GULP1: variants seen among roughly 807,000 people sequenced by gnomAD.
GULP1 encodes the protein PTB domain-containing engulfment adapter protein 1.
A neutral mutation model predicts 40.9 loss-of-function variants in GULP1; 19 were observed. The ratio of observed to expected loss-of-function variants is 0.46; its 90% CI spans 0.32 to 0.68. The LOEUF is 0.68. Ranked by LOEUF, GULP1 falls within the 30% of genes least tolerant of loss-of-function variation. The probability of loss-of-function intolerance (pLI) is 0.03; values close to 1 mark genes in which losing one functional copy is unlikely to be tolerated. For missense variants in GULP1, 312 were observed against 362.2 expected (o/e 0.86, Z 1.12); for synonymous variants, 119 against 117.6 (o/e 1.01, Z -0.08).
rs535139510 is a variant in GULP1 at position 188,450,210 on chromosome 2, A to G, written c.-44-27449A>G. Among the ~76,000 whole-genome samples, 3 of 152,326 alleles carry G rather than the reference A, an allele frequency of 2.0e-5. No homozygotes were observed. In the East Asian group the frequency reaches 5.8e-4, roughly 29 times the overall value. ...GTGCCAGGTCATTTAGGCTTTACAG[A>G]ACATGATGAAAATAATTATTTTACT... On this transcript the variant is annotated intron_variant, in intron 2 of 11. Transcript: ENST00000409830.
chr2:188,515,699 A>G, intron 4 of GULP1, among the ~76,000 whole-genome samples: 1 of 141,296 alleles, frequency 7.1e-6, no homozygotes, highest in South Asian at 2.1e-4. Context: ...ACACACTTAC[A>G]CACACAGACA....
intron 1 of GULP1, among the ~76,000 whole-genome samples, chr2:188,303,065 T>C (rs567073873): frequency 6.6e-6 from 1 of 152,288 alleles, no homozygotes; most frequent in African/African-American, 2.4e-5. Context: ...ATGTCATGAA[T>C]CATTTTTTTC....
chr2:188,550,359 T>A (rs1693139363), intron 7 of GULP1, among the ~76,000 whole-genome samples: 1 of 151,722 alleles, frequency 6.6e-6, no homozygotes, highest in South Asian at 2.1e-4. Context: ...TATTGTGATA[T>A]GGTTGATTTT....
At chr2:188,570,807 C>A (rs191497824) in intron 9 of GULP1, among the ~76,000 whole-genome samples, 153 of 152,200 alleles carry the variant, frequency 1.0e-3, no homozygotes, top group Non-Finnish European at 1.7e-3. Context: ...CTGTTTGAAT[C>A]ATCTGTACTA....
intron 7 of GULP1, among the ~76,000 whole-genome samples, chr2:188,545,276 T>A (rs1389918823): frequency 6.6e-6 from 1 of 151,586 alleles, no homozygotes; most frequent in Non-Finnish European, 1.5e-5. Flanking sequence ...AAATGGGAAC[T>A]TGGAGTATAA....
Position 188,477,730 on chromosome 2 carries a change from G to GGTAA in GULP1, c.28+3_28+6dup, listed in dbSNP as rs750218502. On this transcript the variant is annotated frameshift_variant and splice_region_variant. Coordinates refer to ENST00000409830, the MANE Select transcript of GULP1 (RefSeq NM_016315.4). LOFTEE classifies it high-confidence loss of function. ...GAACCGTGCTTTTAGCAGGAAGAAA[G>GGTAA]GTAAGTGTGGTCATTTTTTAAAACT... 2.5e-6 allele frequency: 4 copies of GGTAA among 1,597,442 alleles called. No homozygotes were observed. The South Asian group carries it at 4.5e-5, about 18-fold the overall frequency.
intron 1 of GULP1, among the ~76,000 whole-genome samples, chr2:188,328,848 C>T (rs117468126): frequency 6.6e-6 from 1 of 152,004 alleles, no homozygotes; most frequent in South Asian, 2.1e-4. Flanking sequence ...TGAGTATACA[C>T]GATGAATACT....
chr2:188,425,885 C>G (rs150868180), intron 2 of GULP1, among the ~76,000 whole-genome samples: 6 of 151,954 alleles, frequency 3.9e-5, no homozygotes, highest in Non-Finnish European at 7.4e-5. Context: ...TATCTAGGAT[C>G]GTATTTTCAT....
chr2:188,370,549 T>A (rs934737427), intron 1 of GULP1, among the ~76,000 whole-genome samples: 1 of 152,204 alleles, frequency 6.6e-6, no homozygotes, highest in African/African-American at 2.4e-5. Context: ...ACTTTATGGG[T>A]TATTTCAATC....
chr2:188,480,345 T>G (rs1190307424), intron 3 of GULP1, among the ~76,000 whole-genome samples: 1 of 152,024 alleles, frequency 6.6e-6, no homozygotes, highest in East Asian at 1.9e-4. Context: ...AGCTTATCTC[T>G]TTATTTCATA....
intron 2 of GULP1, among the ~76,000 whole-genome samples, chr2:188,409,085 AG>A (rs1455610131): frequency 6.6e-6 from 1 of 151,908 alleles, no homozygotes; most frequent in East Asian, 2.0e-4. Flanking sequence ...ACTTAGTAAA[AG>A]AAGAAAATTC....
intron 4 of GULP1, among the ~76,000 whole-genome samples, chr2:188,502,144 G>T (rs559825586): frequency 6.6e-6 from 1 of 151,804 alleles, no homozygotes; most frequent in Non-Finnish European, 1.5e-5. Flanking sequence ...AGGCAATTGA[G>T]GAGGAAGGAT....
At chr2:188,566,794 C>CAAAAAA (rs11350294) in intron 7 of GULP1, among the ~76,000 whole-genome samples, 1 of 26,912 alleles carries the variant, frequency 3.7e-5, no homozygotes, top group Non-Finnish European at 6.4e-5. Context: ...GACTCCATCT[C>CAAAAAA]AAAAAAAAAA....
At chr2:188,340,858 A>G (rs2042875949) in intron 1 of GULP1, among the ~76,000 whole-genome samples, 1 of 152,086 alleles carries the variant, frequency 6.6e-6, no homozygotes, top group Non-Finnish European at 1.5e-5. Flanking sequence ...TCTTCCCGTG[A>G]AGAACAGTCA....
Position 188,306,915 on chromosome 2 carries a change from T to C in GULP1, c.-172+14749T>C, listed in dbSNP as rs57939534. Among the ~76,000 whole-genome samples the C allele has an allele frequency of 6.6e-5, 10 of 152,244 alleles. No homozygotes were observed. In the East Asian group the frequency reaches 1.9e-3, roughly 29 times the overall value. On this transcript the variant is annotated intron_variant, in intron 1 of 11. Transcript: ENST00000409830. ...TTCCAAGATATTAAAGAAGAAATAA[T>C]GTTTTGTACTTTTTGTGTATTTGAT...
chr2:188,507,795 A>G (rs913846291), intron 4 of GULP1, among the ~76,000 whole-genome samples: 19 of 151,966 alleles, frequency 1.3e-4, no homozygotes, highest in Admixed American at 4.6e-4. Context: ...TGCACAGTTC[A>G]TATTTCAATT....
At position 188,323,054 on chromosome 2, in the gene GULP1, C is replaced by T. The variant is rs147824374; in HGVS notation, c.-172+30888C>T. Among the ~76,000 whole-genome samples, 187 of 152,112 alleles carry T rather than the reference C, an allele frequency of 1.2e-3. 1 individual carries two copies. The highest frequency in any genetic ancestry group is 4.2e-3 in the African/African-American group (176 of 41,518). On this transcript the variant is annotated intron_variant, in intron 1 of 11. Coordinates refer to ENST00000409830, the MANE Select transcript of GULP1 (RefSeq NM_016315.4). ...GCATCCTTAGGAGATTTTACCTTTG[C>T]GTTTGCTGTCCTTTCTTCTCTTCGT...
At chr2:188,427,566 G>T (rs77821141) in intron 2 of GULP1, among the ~76,000 whole-genome samples, 6,011 of 152,256 alleles carry the variant, frequency 0.039, 181 homozygotes, top group Non-Finnish European at 0.062. Context: ...GGCTCCAAGG[G>T]GCCCAAGTAC....
chr2:188,323,312 A>G (rs896439209), intron 1 of GULP1, among the ~76,000 whole-genome samples: 4 of 152,006 alleles, frequency 2.6e-5, no homozygotes, highest in Non-Finnish European at 4.4e-5. Context: ...AGCACAGAAG[A>G]AAGGCATGGG....
Sources: gnomAD v4.1 joint callset for allele counts (sites outside exome capture counted in the v4.1 genomes callset) on GRCh38, gnomAD v4.1.1 for gene constraint, MANE v1.5 for transcripts, NCBI Gene and HGNC (gene_info 2026-07-23, HGNC 2026-07-21) for gene names.